Variants in PKLR observed in about 807,000 individuals in gnomAD.
The protein encoded by PKLR is pyruvate kinase PKLR.
A neutral mutation model predicts 53.6 loss-of-function variants in PKLR; 38 were observed. That is an observed-to-expected ratio of 0.71 (90% CI 0.55 to 0.93). The LOEUF (loss-of-function observed/expected upper bound fraction) is 0.93. Among genes scored for constraint, PKLR ranks in the 40% least tolerant of loss-of-function variants. The pLI is 0.00. For synonymous variants in PKLR, 328 were observed against 316.2 expected, an observed-to-expected ratio of 1.04 and a Z score of -0.39; for missense variants, 702 against 787.3, an observed-to-expected ratio of 0.89 and a Z score of 1.30.
At chr1:155,307,583 G>A in the PKLR span, among the ~76,000 whole-genome samples, 2 of 152,326 alleles carry the variant, frequency 1.3e-5, no homozygotes, top group South Asian at 2.1e-4. Context: ...GGTCTTCAAC[G>A]CTATACTCCT....
Position 155,290,558 on chromosome 1 carries a change from G to T in PKLR, c.*14C>A, listed in dbSNP as rs8177994. Reference sequence around the variant, plus strand: ...GGTACAAGGGTAGGCTGGGCCAGAGGAGGGAGGGGCGTCTCAGGATATGCT... The same window carrying T: ...GGTACAAGGGTAGGCTGGGCCAGAGTAGGGAGGGGCGTCTCAGGATATGCT... On this transcript the variant is annotated 3_prime_UTR_variant, in exon 11 of 11. Coordinates refer to ENST00000342741, the MANE Select transcript of PKLR (RefSeq NM_000298.6). 1.2e-5 allele frequency: 18 copies of T among 1,521,998 alleles called. No homozygotes were observed. In the East Asian group the frequency reaches 2.3e-4, roughly 19 times the overall value. 94.3% of individuals were successfully genotyped at this position (1,521,998 alleles called of 1,614,324 possible).
chr1:155,294,385 C>A lies in PKLR; in HGVS notation c.966G>T (p.Arg322Ser), dbSNP rs763964110. Reference protein sequence around the residue: ...SKIENHEGVKRFDEILEVSDG... With the variant: ...SKIENHEGVKSFDEILEVSDG... The stretch of plus-strand genomic sequence containing the variant: ...CGCTCACCTCCAGGATTTCATCAAA[C>A]CTGAGAGGTTGGGAGAATCAAGGCA... The change falls in exon 7 of 11, where the codon AGG (arginine) becomes AGT (serine). Residue 322 changes from arginine to serine, a missense_variant and splice_region_variant. Physicochemically the swap from Arg to Ser is moderately radical, Grantham distance 110. Around this residue, in one of 2 missense-constraint regions of PKLR, gnomAD observed 519 missense variants for 537.1 expected, o/e 0.97. Coordinates refer to ENST00000342741, the MANE Select transcript of PKLR (RefSeq NM_000298.6). 4 of 1,614,042 alleles carry A rather than the reference C, an allele frequency of 2.5e-6. No individual in the cohort carries two copies. Among genetic ancestry groups the A allele is most frequent in the East Asian group, 2.2e-5 (1 of 44,894 alleles).
chr1:155,295,100 G>A lies in PKLR; in HGVS notation c.694+16C>T, dbSNP rs769851917. 13 of 1,613,232 alleles carry A rather than the reference G, an allele frequency of 8.1e-6. No homozygotes were observed. Among genetic ancestry groups the A allele is most frequent in the Middle Eastern group, 1.7e-4 (1 of 5,824 alleles). Reference sequence around the variant, plus strand: ...CCAGCGCACGGATGTGGTCAGGGCGGGAGGCGCGTCCGCACCGATTTTCTG... The same window carrying A: ...CCAGCGCACGGATGTGGTCAGGGCGAGAGGCGCGTCCGCACCGATTTTCTG... On this transcript the variant is annotated intron_variant, in intron 5 of 10. Transcript: ENST00000342741. This position sits in a 1 kb window ranked among gnomAD's most constrained non-coding sequence, Gnocchi z 4.3.
In PKLR at chr1:155,290,324, G is replaced by A. The variant is rs1191539748; in HGVS notation, c.*248C>T. Reference sequence around the variant, plus strand: ...ATGCAGGGAATGTACAATTGGTGCTGTTGGGTGGCCAGTGCATAATTGGAC... The same window carrying A: ...ATGCAGGGAATGTACAATTGGTGCTATTGGGTGGCCAGTGCATAATTGGAC... On this transcript the variant is annotated 3_prime_UTR_variant, in exon 11 of 11. Transcript: ENST00000342741. 3.6e-6 allele frequency: 2 copies of A among 556,782 alleles called. No homozygotes were observed. Among genetic ancestry groups the A allele is most frequent in the Admixed American group, 6.1e-5 (2 of 32,764 alleles). The allele number at this position is 556,782 out of a possible 1,614,324, so 34.5% of individuals were successfully genotyped here. A position where few individuals can be genotyped will look rare whatever the true frequency, so the allele number is the denominator to read the frequency against.
upstream of PKLR, among the ~76,000 whole-genome samples, chr1:155,303,141 G>A (rs917762948): frequency 6.6e-6 from 1 of 152,266 alleles, no homozygotes; most frequent in Non-Finnish European, 1.5e-5. Context: ...TAGCTGTTCT[G>A]TAGGTAAGTT....
chr1:155,294,206 G>C (rs1454013196), intron 7 of PKLR, 29 bp downstream of exon 7: 1 of 1,613,662 alleles, frequency 6.2e-7, no homozygotes. Context: ...AACCCACAGA[G>C]TGCCGAACCT....
chr1:155,299,123 T>C (rs1424990953), intron 2 of PKLR, among the ~76,000 whole-genome samples: 2 of 149,812 alleles, frequency 1.3e-5, no homozygotes, highest in African/African-American at 2.5e-5. Context: ...CCTTCCTTCC[T>C]TCCCTCCCTC....
At chr1:155,298,641 T>A (rs67750613) in intron 2 of PKLR, among the ~76,000 whole-genome samples, 8,592 of 149,942 alleles carry the variant, frequency 0.057, 289 homozygotes, top group African/African-American at 0.091. Flanking sequence ...TTTCTTTTTT[T>A]AAAAACAAAC....
intron 2 of PKLR, among the ~76,000 whole-genome samples, chr1:155,297,614 G>C (rs974468426): frequency 1.2e-4 from 18 of 151,948 alleles, no homozygotes; most frequent in African/African-American, 4.4e-4. Flanking sequence ...GCAGGGGAGG[G>C]GAGGCTCTAT....
intron 2 of PKLR, among the ~76,000 whole-genome samples, chr1:155,296,425 C>T (rs1647601684): frequency 6.6e-6 from 1 of 152,146 alleles, no homozygotes; most frequent in African/African-American, 2.4e-5. Context: ...TCACTGCAAC[C>T]TCTGCCTCCC....
At chr1:155,304,831 C>T (rs995932307), upstream of PKLR, among the ~76,000 whole-genome samples, 1 of 152,212 alleles carries the variant, frequency 6.6e-6, no homozygotes, top group African/African-American at 2.4e-5. Context: ...TGTGCTGGAA[C>T]AGCATTCATG....
At chr1:155,294,988 C>T in intron 5 of PKLR, 128 bp downstream of exon 5, 1 of 1,158,252 alleles carries the variant, frequency 8.6e-7, no homozygotes, top group Non-Finnish European at 1.3e-6. Context: ...CTGGGGACTC[C>T]TGGGACGGGC....
intron 10 of PKLR, among the ~76,000 whole-genome samples, chr1:155,291,233 G>C (rs1674527248): frequency 6.6e-6 from 1 of 151,686 alleles, no homozygotes; most frequent in Non-Finnish European, 1.5e-5. Context: ...CACGGTGGCT[G>C]ACGCCTGTAA....
upstream of PKLR, among the ~76,000 whole-genome samples, chr1:155,304,295 G>A (rs1011782510): frequency 2.0e-5 from 3 of 152,022 alleles, no homozygotes; most frequent in Admixed American, 2.0e-4. Flanking sequence ...TTAGCCAGGT[G>A]TGGTGGTGCG....
At position 155,293,212 on chromosome 1, in the gene PKLR, A is replaced by G; in HGVS notation, c.1401T>C (p.Cys467=). 6.2e-7 allele frequency: 1 copy of G among 1,613,978 alleles called. No individual in the cohort carries two copies. Among genetic ancestry groups the G allele is most frequent in the East Asian group, 2.2e-5 (1 of 44,872 alleles). The change falls in exon 9 of 11, where the codon TGT becomes TGC. Residue 467 remains cysteine, a synonymous_variant. Coordinates refer to ENST00000342741, the MANE Select transcript of PKLR (RefSeq NM_000298.6). The surrounding 1 kb of genome is among the most constrained non-coding windows in gnomAD (Gnocchi z 4.2). ...IGAVEAAFKC[C]AAAIIVLTTT... is the part of the protein sequence containing the mutation. The stretch of plus-strand genomic sequence containing the variant: ...TGGTCAGCACAATGATGGCAGCAGC[A>G]CAGCACTTGAAGGCAGCCTCCACAG...
chr1:155,291,592 G>A (rs554193591), intron 10 of PKLR, among the ~76,000 whole-genome samples, 164 bp downstream of exon 10: 2 of 152,254 alleles, frequency 1.3e-5, no homozygotes, highest in South Asian at 4.1e-4. Context: ...GATGGAAGAG[G>A]TATTTGTGAT....
At chr1:155,308,260 G>A in the PKLR span, among the ~76,000 whole-genome samples, 1 of 151,530 alleles carries the variant, frequency 6.6e-6, no homozygotes, top group African/African-American at 2.4e-5. Flanking sequence ...GTAGAGACGG[G>A]GTTTCACCAC....
upstream of PKLR, among the ~76,000 whole-genome samples, chr1:155,303,744 GCTT>G (rs1648153920): frequency 6.6e-6 from 1 of 152,154 alleles, no homozygotes; most frequent in Non-Finnish European, 1.5e-5. Context: ...TCATGCCTCA[GCTT>G]CCTGAGTAGC....
chr1:155,298,134 CAAG>C (rs1647701370), intron 2 of PKLR, among the ~76,000 whole-genome samples: 1 of 152,078 alleles, frequency 6.6e-6, no homozygotes, highest in African/African-American at 2.4e-5. Context: ...CCTTCCAGTT[CAAG>C]TGATTCTCCT....
Sources: allele counts gnomAD v4.1 joint callset (sites outside exome capture counted in the v4.1 genomes callset), GRCh38; gene constraint gnomAD v4.1.1; regional missense constraint gnomAD v4.1.1; non-coding constraint Gnocchi (gnomAD v3.1); transcripts MANE v1.5; gene names NCBI Gene and HGNC (gene_info 2026-07-23, HGNC 2026-07-21).